The following CPAMD8 variants were observed in gnomAD, a reference collection of about 807,000 sequenced individuals.
The protein encoded by CPAMD8 is C3 and PZP like alpha-2-macroglobulin domain containing 8.
A neutral mutation model predicts 224.7 loss-of-function variants in CPAMD8; 146 were observed. The observed-to-expected ratio is 0.65, with a 90% confidence interval of 0.57 to 0.75. The LOEUF is 0.75. Ranked by LOEUF, CPAMD8 falls within the 30% of genes least tolerant of loss-of-function variation. CPAMD8 has a pLI of 0.00. For synonymous variants in CPAMD8, 966 were observed against 1,044.6 expected (o/e 0.92, Z 1.45); for missense variants, 2,301 against 2,537.5 (o/e 0.91, Z 2.00).
At chr19:17,013,917 T>C (rs1433176146) in intron 3 of CPAMD8, among the ~76,000 whole-genome samples, 1 of 150,388 alleles carries the variant, frequency 6.6e-6, no homozygotes, top group East Asian at 2.0e-4. Flanking sequence ...CACTACACAT[T>C]CCCTCCCTCC....
rs1214205208 is a variant in CPAMD8, at chr19:16,947,080, T to A, written c.2656A>T (p.Ile886Phe). 1.9e-6 allele frequency: 3 copies of A among 1,607,500 alleles called. No individual in the cohort carries two copies. Among genetic ancestry groups the A allele is most frequent in the South Asian group, 2.2e-5 (2 of 90,044 alleles). The change falls in exon 21 of 42, where the codon ATC (isoleucine) becomes TTC (phenylalanine). Residue 886 changes from isoleucine (I) to phenylalanine (F), a missense_variant. By Grantham distance (21) the Ile-to-Phe change is conservative. This residue lies in a region of CPAMD8 where 1,709 missense variants were observed against 1,753.2 expected (regional missense o/e 0.97). Coordinates refer to ENST00000443236, the MANE Select transcript of CPAMD8 (RefSeq NM_015692.5). The part of the protein sequence containing the change: ...LSFSDLGLNN[I>F]TAKALAYGDT... The stretch of plus-strand genomic sequence containing the variant: ...AGAACTGTGGGGTCCTCACCCGTGA[T>A]GTTGTTGAGTCCCAGGTCGCTGAAG...
chr19:16,977,106 G>A (rs1178777487), intron 15 of CPAMD8, among the ~76,000 whole-genome samples: 1 of 152,128 alleles, frequency 6.6e-6, no homozygotes, highest in East Asian at 1.9e-4. Context: ...GGTGCCAATG[G>A]AAACAAGTGC....
intron 18 of CPAMD8, among the ~76,000 whole-genome samples, chr19:16,968,045 T>C (rs997495243): frequency 6.6e-6 from 1 of 150,594 alleles, no homozygotes; most frequent in Non-Finnish European, 1.5e-5. Context: ...TGATTTACAA[T>C]TGCCTTCATG....
intron 18 of CPAMD8, among the ~76,000 whole-genome samples, chr19:16,969,461 G>T (rs1208945751): frequency 3.3e-5 from 5 of 152,184 alleles, no homozygotes; most frequent in African/African-American, 1.2e-4. Flanking sequence ...CTCAATGTTT[G>T]CATCCCCCTG....
chr19:17,000,384 CA>C (rs772646395), intron 10 of CPAMD8, 29 bp downstream of exon 10: 29 of 849,856 alleles, frequency 3.4e-5, no homozygotes, highest in Admixed American at 6.9e-5. Context: ...GGGGTTGGGT[CA>C]GGGGGTAGAA....
intron 21 of CPAMD8, 114 bp from the exon 22 acceptor site, chr19:16,945,793 ATGTG>A (rs900913138): frequency 2.3e-5 from 21 of 931,134 alleles, no homozygotes; most frequent in South Asian, 4.4e-5. Flanking sequence ...GTGTGTGTGC[ATGTG>A]TGTGTGTATA....
At chr19:16,900,737 C>T (rs1486947993) in intron 36 of CPAMD8, among the ~76,000 whole-genome samples, 1 of 151,016 alleles carries the variant, frequency 6.6e-6, no homozygotes, top group Non-Finnish European at 1.5e-5. Flanking sequence ...AGGGGCTGGG[C>T]ATAGTGGCTC....
chr19:16,895,148 G>C (rs1367594547), intron 41 of CPAMD8: 1 of 152,708 alleles, frequency 6.5e-6, no homozygotes, highest in Non-Finnish European at 1.5e-5. Context: ...GGTGGCTCAT[G>C]CCTGCAATAC....
intron 27 of CPAMD8, 35 bp from the exon 28 acceptor site, chr19:16,914,848 A>G: frequency 6.6e-7 from 1 of 1,511,888 alleles, no homozygotes; most frequent in African/African-American, 1.4e-5. Context: ...GAGGGGTTGC[A>G]GAATGGTCAG....
rs1205021902 is a variant in CPAMD8 at position 16,903,886 on chromosome 19, AC to A, written c.4252-30del. On this transcript the variant is annotated intron_variant, in intron 32 of 41. Coordinates refer to ENST00000443236, the MANE Select transcript of CPAMD8 (RefSeq NM_015692.5). ...GGGATGGAGGAGGAGACGGCCATCA[AC>A]CCTGAGACTGAGTTGGCCAGTGGTC... 8.1e-6 allele frequency: 13 copies of A among 1,607,956 alleles called. No individual in the cohort carries two copies. In the Admixed American group the frequency reaches 1.7e-4, roughly 21 times the overall value.
chr19:16,925,508 C>T, intron 25 of CPAMD8, 136 bp from the exon 26 acceptor site: 1 of 671,678 alleles, frequency 1.5e-6, no homozygotes, highest in Non-Finnish European at 2.7e-6. Context: ...CTGGCACCCT[C>T]TGCCTGCTCA....
chr19:17,019,418 C>T (rs769795807), intron 3 of CPAMD8, among the ~76,000 whole-genome samples: 2 of 152,042 alleles, frequency 1.3e-5, no homozygotes, highest in Non-Finnish European at 2.9e-5. Context: ...CCACTGCGCC[C>T]GGCCAGTGGT....
intron 20 of CPAMD8, among the ~76,000 whole-genome samples, chr19:16,947,476 C>T (rs2054144286): frequency 6.6e-6 from 1 of 152,218 alleles, no homozygotes; most frequent in Non-Finnish European, 1.5e-5. Flanking sequence ...CCACAGCCCT[C>T]CGTATCCTCA....
intron 22 of CPAMD8, among the ~76,000 whole-genome samples, chr19:16,944,394 T>C (rs1041850549): frequency 1.3e-5 from 2 of 152,182 alleles, no homozygotes; most frequent in African/African-American, 2.4e-5. Flanking sequence ...TTCTGCGGCA[T>C]GGATGGGAGG....
At chr19:16,896,001 C>T in intron 41 of CPAMD8, 175 bp downstream of exon 41, 1 of 756,802 alleles carries the variant, frequency 1.3e-6, no homozygotes, top group South Asian at 1.4e-5. Context: ...GGATGAATGT[C>T]CCACTTTGTC....
intron 13 of CPAMD8, among the ~76,000 whole-genome samples, chr19:16,984,313 C>CAAAA (rs34428169): frequency 2.3e-5 from 2 of 85,212 alleles, no homozygotes; most frequent in Non-Finnish European, 2.4e-5. Flanking sequence ...GGTCCTATCT[C>CAAAA]AAAAAAAAAA....
intron 3 of CPAMD8, among the ~76,000 whole-genome samples, chr19:17,013,030 A>T (rs2056704170): frequency 6.6e-6 from 1 of 151,730 alleles, no homozygotes; most frequent in Non-Finnish European, 1.5e-5. Flanking sequence ...TAAGTACAAA[A>T]ATTAGCCAGC....
rs768867814 is a variant in CPAMD8, at chr19:17,008,499, A to C, written c.559+6T>G. ...CAGCCCCCAAGCCGCAGAGGAAGAA[A>C]CTTACCGCAGCAGAACGGCTTTAAG... On this transcript the variant is annotated splice_donor_region_variant and intron_variant, in intron 7 of 41. Coordinates refer to ENST00000443236, the MANE Select transcript of CPAMD8 (RefSeq NM_015692.5). 6.2e-7 allele frequency: 1 copy of C among 1,612,640 alleles called. No homozygotes were observed. The highest frequency in any genetic ancestry group is 8.5e-7 in the Non-Finnish European group (1 of 1,180,020).
rs199917905 is a variant in CPAMD8, at chr19:17,011,732, G to A, written c.293C>T (p.Ala98Val). The change falls in exon 4 of 42, where the codon GCG (alanine) becomes GTG (valine). Residue 98 changes from alanine to valine, a missense_variant. Ala to Val is a moderately conservative substitution (Grantham distance 64). Around this residue, in one of 4 missense-constraint regions of CPAMD8, gnomAD observed 283 missense variants for 340.6 expected, o/e 0.83. Transcript: ENST00000443236. ...LKVPTGLRGQ[A>V]LLKVWGRGWQ... The stretch of plus-strand genomic sequence containing the variant: ...GCCGCGGCCCCACACTTTCAGAAGC[G>A]CTTGGCCCCGGAGGCCCGTGGGCAC... 12 of 1,613,810 alleles carry A rather than the reference G, an allele frequency of 7.4e-6. No homozygotes were observed. The highest frequency in any genetic ancestry group is 4.5e-5 in the East Asian group (2 of 44,890).
Sources: gnomAD v4.1 joint callset for allele counts (sites outside exome capture counted in the v4.1 genomes callset) on GRCh38, gnomAD v4.1.1 for gene constraint, gnomAD v4.1.1 regional missense constraint, MANE v1.5 for transcripts, NCBI Gene and HGNC (gene_info 2026-07-23, HGNC 2026-07-21) for gene names.